OR6N1: variants seen among roughly 807,000 people sequenced by gnomAD.
The protein encoded by OR6N1 is olfactory receptor 6N1.
For missense variants in OR6N1, 394 were observed against 371.7 expected (o/e 1.06, Z -0.49); for synonymous variants, 170 against 150.7 (o/e 1.13, Z -0.94).
At chr1:158,784,667 G>A in the OR6N1 span, among the ~76,000 whole-genome samples, 1 of 152,002 alleles carries the variant, frequency 6.6e-6, no homozygotes, top group African/African-American at 2.4e-5. Context: ...ATAATATTAT[G>A]TGATATTTGT....
rs1047153142 is a variant in OR6N1 at position 158,772,137 on chromosome 1, T to C, written c.-135A>G. On this transcript the variant is annotated 5_prime_UTR_variant, in exon 1 of 2. The change creates a new upstream start codon in the 5' untranslated region. Transcript: ENST00000641846. ...TATACTTCCTATGTCTCATTTGCAGTATTATACCCAGCCATTCCCGGGGCC... is the reference window on the plus strand; with the variant it reads ...TATACTTCCTATGTCTCATTTGCAGCATTATACCCAGCCATTCCCGGGGCC... The C allele has an allele frequency of 1.3e-5, 2 of 152,238 alleles. No individual in the cohort carries two copies. Among genetic ancestry groups the C allele is most frequent in the African/African-American group, 4.8e-5 (2 of 41,462 alleles). The allele number at this position is 152,238 out of a possible 1,614,324, so 9.4% of individuals were successfully genotyped here.
At chr1:158,833,583 G>A in the OR6N1 span, among the ~76,000 whole-genome samples, 19 of 152,156 alleles carry the variant, frequency 1.2e-4, no homozygotes, top group African/African-American at 3.1e-4. Flanking sequence ...TACAGTAAGC[G>A]TGTGCTTTTT....
the OR6N1 span, among the ~76,000 whole-genome samples, chr1:158,811,504 A>G: frequency 1.3e-5 from 2 of 152,304 alleles, no homozygotes; most frequent in Admixed American, 1.3e-4. Context: ...CACTATCAGC[A>G]TCATTTTCAT....
At chr1:158,810,835 A>AT in the OR6N1 span, among the ~76,000 whole-genome samples, 29 of 151,490 alleles carry the variant, frequency 1.9e-4, no homozygotes, top group African/African-American at 4.4e-4. Flanking sequence ...ATGTGTGTCC[A>AT]TTTTTTTTTA....
At chr1:158,801,985 TC>T in the OR6N1 span, among the ~76,000 whole-genome samples, 2 of 152,096 alleles carry the variant, frequency 1.3e-5, no homozygotes, top group East Asian at 3.9e-4. Context: ...AATGCTGACC[TC>T]CCAGGGGCTC....
the OR6N1 span, among the ~76,000 whole-genome samples, chr1:158,837,903 G>A: frequency 6.6e-6 from 1 of 150,822 alleles, no homozygotes; most frequent in Admixed American, 6.6e-5. Flanking sequence ...GTCATCATCA[G>A]GTTGCATATG....
chr1:158,819,672 A>G, the OR6N1 span, among the ~76,000 whole-genome samples: 2 of 152,162 alleles, frequency 1.3e-5, no homozygotes, highest in African/African-American at 4.8e-5. Flanking sequence ...CATTTTTTAA[A>G]GTGTCATTTC....
the OR6N1 span, among the ~76,000 whole-genome samples, chr1:158,837,370 T>C: frequency 6.6e-6 from 1 of 151,710 alleles, no homozygotes; most frequent in Non-Finnish European, 1.5e-5. Flanking sequence ...AAATGTTTCA[T>C]ATATTAGGAG....
At chr1:158,792,887 T>C in the OR6N1 span, among the ~76,000 whole-genome samples, 3 of 152,214 alleles carry the variant, frequency 2.0e-5, no homozygotes, top group African/African-American at 7.2e-5. Flanking sequence ...AAACTTTTGC[T>C]TTTTCTTCCA....
At chr1:158,799,115 T>TC in the OR6N1 span, among the ~76,000 whole-genome samples, 1 of 152,236 alleles carries the variant, frequency 6.6e-6, no homozygotes, top group Non-Finnish European at 1.5e-5. Flanking sequence ...AAATAGACCT[T>TC]CTCATTAAAA....
the OR6N1 span, among the ~76,000 whole-genome samples, chr1:158,780,904 C>G: frequency 2.6e-5 from 4 of 152,138 alleles, no homozygotes; most frequent in Non-Finnish European, 5.9e-5. Flanking sequence ...CTTTTAAAAG[C>G]AAATGTTTGC....
chr1:158,817,605 C>T, the OR6N1 span, among the ~76,000 whole-genome samples: 1 of 152,176 alleles, frequency 6.6e-6, no homozygotes, highest in African/African-American at 2.4e-5. Flanking sequence ...ACTGAGTGTG[C>T]TCCTTGCTAG....
the OR6N1 span, among the ~76,000 whole-genome samples, chr1:158,798,422 T>A: frequency 6.6e-6 from 1 of 151,770 alleles, no homozygotes; most frequent in Non-Finnish European, 1.5e-5. Context: ...ATTATACTTT[T>A]TGTTATTGTT....
At chr1:158,784,536 T>G in the OR6N1 span, among the ~76,000 whole-genome samples, 1 of 152,202 alleles carries the variant, frequency 6.6e-6, no homozygotes. Flanking sequence ...TGTCTAACTG[T>G]AACTTCATAC....
chr1:158,781,517 T>C, the OR6N1 span, among the ~76,000 whole-genome samples: 1 of 152,226 alleles, frequency 6.6e-6, no homozygotes, highest in Admixed American at 6.5e-5. Flanking sequence ...ACATAGACTC[T>C]TGGACTCTAG....
chr1:158,810,239 G>A, the OR6N1 span, among the ~76,000 whole-genome samples: 2 of 152,086 alleles, frequency 1.3e-5, no homozygotes, highest in African/African-American at 4.8e-5. Context: ...CCTCATTCAG[G>A]AAGGTCCAAA....
the OR6N1 span, among the ~76,000 whole-genome samples, chr1:158,799,147 A>G: frequency 1.3e-5 from 2 of 152,198 alleles, no homozygotes; most frequent in Non-Finnish European, 2.9e-5. Flanking sequence ...TTCTATTGCT[A>G]AAGTTTTTAC....
the OR6N1 span, among the ~76,000 whole-genome samples, chr1:158,805,399 C>T: frequency 6.6e-6 from 1 of 152,206 alleles, no homozygotes. Context: ...ACTTCTCAAA[C>T]TTTTATTTTC....
the OR6N1 span, among the ~76,000 whole-genome samples, chr1:158,779,924 C>T: frequency 6.6e-6 from 1 of 152,170 alleles, no homozygotes; most frequent in African/African-American, 2.4e-5. Context: ...TCTTTGAGAG[C>T]AAATGTAGTA....
Sources: allele counts gnomAD v4.1 joint callset (sites outside exome capture counted in the v4.1 genomes callset), GRCh38; gene constraint gnomAD v4.1.1; transcripts MANE v1.5; gene names NCBI Gene and HGNC (gene_info 2026-07-23, HGNC 2026-07-21).